Variants in OPCML observed in about 807,000 individuals in gnomAD.
The protein encoded by OPCML is opioid binding protein/cell adhesion molecule like.
OPCML carries 13 observed loss-of-function variants against 37.8 expected under a neutral mutation model. The ratio of observed to expected loss-of-function variants is 0.34; its 90% CI spans 0.22 to 0.55. The LOEUF (loss-of-function observed/expected upper bound fraction) is 0.55, where lower values mean the gene tolerates loss of function less well. Ranked by LOEUF, OPCML falls within the 20% of genes least tolerant of loss-of-function variation. OPCML has a pLI of 0.91. For missense variants in OPCML, 341 were observed against 435.6 expected, an observed-to-expected ratio of 0.78 and a Z score of 1.93; for synonymous variants, 176 against 168.8, an observed-to-expected ratio of 1.04 and a Z score of -0.33.
At chr11:132,669,720 T>C (rs534711354) in intron 2 of OPCML, among the ~76,000 whole-genome samples, 2 of 152,288 alleles carry the variant, frequency 1.3e-5, no homozygotes, top group East Asian at 1.9e-4. Context: ...CTTTTGGGTA[T>C]AGAAGAAAAG....
chr11:132,757,202 G>C (rs548814320), intron 2 of OPCML, among the ~76,000 whole-genome samples: 1 of 152,254 alleles, frequency 6.6e-6, no homozygotes, highest in East Asian at 1.9e-4. Context: ...GTCTATCATT[G>C]ATGGGCATTT....
chr11:133,132,769 T>C (rs1592032193), intron 1 of OPCML, among the ~76,000 whole-genome samples: 1 of 151,848 alleles, frequency 6.6e-6, no homozygotes, highest in Non-Finnish European at 1.5e-5. Context: ...GTACATTCTC[T>C]ATAATTCTAT....
At chr11:132,891,754 C>G (rs1019864560) in intron 2 of OPCML, among the ~76,000 whole-genome samples, 1 of 152,232 alleles carries the variant, frequency 6.6e-6, no homozygotes, top group Non-Finnish European at 1.5e-5. Flanking sequence ...CTTGTCACCT[C>G]TAATTTCATT....
chr11:132,626,748 ACACTTTCAAATTTGTT>A lies in OPCML; in HGVS notation c.379+30323_379+30338del, dbSNP rs1194708981. 2.7e-5 allele frequency among the ~76,000 whole-genome samples: 4 copies of A among 150,880 alleles called. No individual in the cohort carries two copies. The East Asian group carries it at 7.8e-4, about 29-fold the overall frequency. ...CAAGCTGCCCTGAGTTTTGGATTAT[ACACTTTCAAATTTGTT>A]CTTTTCTGAAAATATCTCTGCTGTA... is the stretch of plus-strand genomic sequence containing the variant. On this transcript the variant is annotated intron_variant, in intron 3 of 7. Coordinates refer to ENST00000524381, the MANE Select transcript of OPCML (RefSeq NM_001012393.5).
chr11:132,750,569 C>T (rs558169769), intron 2 of OPCML, among the ~76,000 whole-genome samples: 13 of 152,054 alleles, frequency 8.5e-5, no homozygotes, highest in Non-Finnish European at 1.6e-4. Context: ...AAGTCAAGAA[C>T]GAGGAGAGAC....
chr11:133,518,018 C>T (rs1171299777), intron 1 of OPCML, among the ~76,000 whole-genome samples: 1 of 152,178 alleles, frequency 6.6e-6, no homozygotes, highest in Non-Finnish European at 1.5e-5. Context: ...TCCCATGGCA[C>T]TTCTGCCTCT....
chr11:133,386,935 G>C (rs929881316), intron 1 of OPCML, among the ~76,000 whole-genome samples: 19 of 152,322 alleles, frequency 1.2e-4, no homozygotes, highest in African/African-American at 4.3e-4. Flanking sequence ...ATGCTTGGAG[G>C]CTGCAGAGGG....
chr11:133,457,475 G>A (rs1032837469), intron 1 of OPCML, among the ~76,000 whole-genome samples: 11 of 152,134 alleles, frequency 7.2e-5, no homozygotes, highest in Non-Finnish European at 4.4e-5. Context: ...GGAGGTCAAG[G>A]CTGCAGTGAG....
Position 133,167,744 on chromosome 11 carries a change from C to T in OPCML, c.62-224734G>A, listed in dbSNP as rs527852631. Reference sequence around the variant, plus strand: ...ATTGCAGCACAGACAGACCTTTCTGCAGCAGTTCACTCCAACACAACTTGT... The same window carrying T: ...ATTGCAGCACAGACAGACCTTTCTGTAGCAGTTCACTCCAACACAACTTGT... On this transcript the variant is annotated intron_variant, in intron 1 of 7. Transcript: ENST00000524381. Among the ~76,000 whole-genome samples the T allele has an allele frequency of 9.2e-5, 14 of 152,248 alleles. No homozygotes were observed. The South Asian group carries it at 2.7e-3, about 29-fold the overall frequency.
chr11:133,517,953 T>C (rs1565679276), intron 1 of OPCML, among the ~76,000 whole-genome samples: 1 of 152,092 alleles, frequency 6.6e-6, no homozygotes, highest in Non-Finnish European at 1.5e-5. Flanking sequence ...ATTTCTCCAT[T>C]TCTGACACCC....
intron 3 of OPCML, among the ~76,000 whole-genome samples, chr11:132,538,208 C>T (rs2096346062): frequency 6.6e-6 from 1 of 152,094 alleles, no homozygotes; most frequent in African/African-American, 2.4e-5. Flanking sequence ...TACACCAATA[C>T]AATGGAATAT....
intron 4 of OPCML, among the ~76,000 whole-genome samples, chr11:132,460,460 G>T (rs1387812547): frequency 6.6e-6 from 1 of 152,068 alleles, no homozygotes; most frequent in Non-Finnish European, 1.5e-5. Flanking sequence ...GTATCCTCAG[G>T]GGTCAATGAA....
At chr11:132,508,094 A>G (rs2096261289) in intron 4 of OPCML, among the ~76,000 whole-genome samples, 1 of 152,220 alleles carries the variant, frequency 6.6e-6, no homozygotes. Flanking sequence ...TATTGCTATT[A>G]CAATAATAAA....
chr11:132,437,870 G>A (rs11223070), intron 4 of OPCML, among the ~76,000 whole-genome samples: 6 of 152,196 alleles, frequency 3.9e-5, no homozygotes, highest in Non-Finnish European at 8.8e-5. Context: ...AATATAAATA[G>A]ATGCAAAGTA....
At chr11:132,726,684 G>T (rs1336530574) in intron 2 of OPCML, among the ~76,000 whole-genome samples, 1 of 152,092 alleles carries the variant, frequency 6.6e-6, no homozygotes, top group Admixed American at 6.5e-5. Context: ...CAGGATGGTG[G>T]CTAGGAAAAC....
intron 2 of OPCML, among the ~76,000 whole-genome samples, chr11:132,922,381 G>A (rs542787981): frequency 3.3e-5 from 5 of 152,128 alleles, no homozygotes; most frequent in African/African-American, 9.6e-5. Context: ...GTGGAGACTC[G>A]CTTGAACGAG....
chr11:133,526,735 A>G (rs977537933), intron 1 of OPCML, among the ~76,000 whole-genome samples: 4 of 152,204 alleles, frequency 2.6e-5, no homozygotes, highest in African/African-American at 7.2e-5. Context: ...GAGGCAACCA[A>G]GGCTTTGCAG....
At chr11:132,845,122 C>G (rs2725435) in intron 2 of OPCML, among the ~76,000 whole-genome samples, 62,345 of 151,900 alleles carry the variant, frequency 0.41, 13,295 homozygotes, top group Non-Finnish European at 0.49. Flanking sequence ...TGGGAAGCCA[C>G]AAGCAGATCA....
intron 1 of OPCML, among the ~76,000 whole-genome samples, chr11:133,226,832 G>A (rs1184163922): frequency 6.6e-6 from 1 of 152,090 alleles, no homozygotes; most frequent in Admixed American, 6.5e-5. Flanking sequence ...GCCCAAACCA[G>A]CGCAGTTTAA....
Sources: gnomAD v4.1 joint callset for allele counts (sites outside exome capture counted in the v4.1 genomes callset) on GRCh38, gnomAD v4.1.1 for gene constraint, MANE v1.5 for transcripts, NCBI Gene and HGNC (gene_info 2026-07-23, HGNC 2026-07-21) for gene names.